The following ZNF385D variants were observed in gnomAD, a reference collection of about 807,000 sequenced individuals.
The protein encoded by ZNF385D is zinc finger protein 385D, also known as zinc finger protein 659.
ZNF385D carries 15 observed loss-of-function variants against 35.8 expected under a neutral mutation model. The ratio of observed to expected loss-of-function variants is 0.42; its 90% CI spans 0.28 to 0.64. ZNF385D has a LOEUF of 0.64. Ranked by LOEUF, ZNF385D falls within the 30% of genes least tolerant of loss-of-function variation. The probability of loss-of-function intolerance (pLI) is 0.23; values close to 1 mark genes in which losing one functional copy is unlikely to be tolerated. For missense variants in ZNF385D, 474 were observed against 494.6 expected (o/e 0.96, Z 0.39); for synonymous variants, 212 against 186.8 (o/e 1.13, Z -1.10).
At chr3:21,440,048 T>C (rs1482305760) in intron 4 of ZNF385D, among the ~76,000 whole-genome samples, 1 of 152,086 alleles carries the variant, frequency 6.6e-6, no homozygotes, top group Non-Finnish European at 1.5e-5. Context: ...AATTTTTAAG[T>C]AGTAATGGAT....
At chr3:22,014,159 A>C (rs1435730296) in intron 3 of ZNF385D, among the ~76,000 whole-genome samples, 1 of 152,182 alleles carries the variant, frequency 6.6e-6, no homozygotes, top group South Asian at 2.1e-4. Flanking sequence ...TTACAACAAA[A>C]AACCAAAAAG....
chr3:21,860,676 A>G (rs1696999699), intron 3 of ZNF385D, among the ~76,000 whole-genome samples: 1 of 152,128 alleles, frequency 6.6e-6, no homozygotes. Context: ...ATAGTTTTCA[A>G]AGTCAGGCCT....
intron 6 of ZNF385D, among the ~76,000 whole-genome samples, chr3:21,424,317 A>ATATATATTTATATATATATATATAT (rs1221923155): frequency 1.6e-5 from 1 of 63,812 alleles, no homozygotes; most frequent in Non-Finnish European, 2.7e-5. Flanking sequence ...ATATATATAT[A>ATATATATTTATATATATATATATAT]TTTTTTTTTT....
chr3:21,930,527 A>G (rs1464008270), intron 3 of ZNF385D, among the ~76,000 whole-genome samples: 1 of 152,130 alleles, frequency 6.6e-6, no homozygotes, highest in Non-Finnish European at 1.5e-5. Flanking sequence ...GACTCAGAAA[A>G]TCTAAAATAA....
At chr3:21,781,206 T>C (rs1465068648) in intron 3 of ZNF385D, among the ~76,000 whole-genome samples, 1 of 151,620 alleles carries the variant, frequency 6.6e-6, no homozygotes, top group East Asian at 1.9e-4. Context: ...TATCTCTTTA[T>C]TTCAAAGCGA....
intron 2 of ZNF385D, among the ~76,000 whole-genome samples, chr3:21,608,461 G>A (rs758995305): frequency 3.3e-5 from 5 of 152,118 alleles, no homozygotes; most frequent in Non-Finnish European, 7.3e-5. Flanking sequence ...TCTGTATTTA[G>A]ATTACCTGTG....
At chr3:21,474,742 T>C (rs753615590) in intron 4 of ZNF385D, among the ~76,000 whole-genome samples, 9 of 152,126 alleles carry the variant, frequency 5.9e-5, no homozygotes, top group Non-Finnish European at 1.2e-4. Context: ...CTCTCACAAG[T>C]CTTGCTGTCC....
chr3:21,704,153 T>A (rs1036791921), intron 1 of ZNF385D, among the ~76,000 whole-genome samples: 11 of 152,208 alleles, frequency 7.2e-5, no homozygotes, highest in Admixed American at 3.3e-4. Context: ...TTTGCTCCCA[T>A]GTAAGCTCCC....
At chr3:21,463,805 A>G (rs902410887) in intron 4 of ZNF385D, among the ~76,000 whole-genome samples, 2 of 152,180 alleles carry the variant, frequency 1.3e-5, no homozygotes, top group Non-Finnish European at 2.9e-5. Context: ...TTATGGATAG[A>G]GCTGAATGTT....
At chr3:21,830,278 C>T (rs1694904700) in intron 3 of ZNF385D, among the ~76,000 whole-genome samples, 1 of 152,130 alleles carries the variant, frequency 6.6e-6, no homozygotes, top group African/African-American at 2.4e-5. Context: ...GGATTGTATC[C>T]TAGTTTACTT....
chr3:21,841,216 T>G (rs1012296865), intron 3 of ZNF385D, among the ~76,000 whole-genome samples: 1 of 152,076 alleles, frequency 6.6e-6, no homozygotes, highest in African/African-American at 2.4e-5. Context: ...ATAACAGACG[T>G]AACTCATTCT....
At chr3:22,156,100 T>C (rs1490641789) in intron 3 of ZNF385D, among the ~76,000 whole-genome samples, 3 of 151,144 alleles carry the variant, frequency 2.0e-5, no homozygotes, top group Non-Finnish European at 4.4e-5. Flanking sequence ...GGAGACATAA[T>C]AGAATACTTG....
intron 2 of ZNF385D, among the ~76,000 whole-genome samples, chr3:22,343,561 C>T (rs951422280): frequency 2.5e-4 from 37 of 148,850 alleles, no homozygotes; most frequent in African/African-American, 7.8e-4. Context: ...GAGAATCCTA[C>T]TGACTGTACC....
intron 1 of ZNF385D, among the ~76,000 whole-genome samples, chr3:21,724,612 C>A (rs1486212179): frequency 6.7e-6 from 1 of 148,718 alleles, no homozygotes; most frequent in Non-Finnish European, 1.5e-5. Flanking sequence ...GTAAAGGGAT[C>A]AATGCAACAA....
At chr3:21,614,102 A>G (rs1433738412) in intron 2 of ZNF385D, among the ~76,000 whole-genome samples, 1 of 152,220 alleles carries the variant, frequency 6.6e-6, no homozygotes, top group African/African-American at 2.4e-5. Flanking sequence ...TAGGGCTGCC[A>G]TAACAAAATA....
intron 1 of ZNF385D, among the ~76,000 whole-genome samples, chr3:21,731,002 G>A (rs2068970377): frequency 6.6e-6 from 1 of 152,090 alleles, no homozygotes; most frequent in African/African-American, 2.4e-5. Flanking sequence ...TTAATGATAT[G>A]TCTAAGTAAA....
intron 3 of ZNF385D, among the ~76,000 whole-genome samples, chr3:22,091,608 G>A (rs538210656): frequency 6.6e-6 from 1 of 151,780 alleles, no homozygotes; most frequent in Non-Finnish European, 1.5e-5. Context: ...AAGCCCTCTA[G>A]GTATGTAGCT....
chr3:21,728,351 G>A (rs568815098), intron 1 of ZNF385D, among the ~76,000 whole-genome samples: 23 of 151,658 alleles, frequency 1.5e-4, no homozygotes, highest in Middle Eastern at 3.4e-3. Flanking sequence ...CAAATATGGT[G>A]GCATTTTATC....
intron 3 of ZNF385D, among the ~76,000 whole-genome samples, chr3:22,163,931 A>C (rs368026226): frequency 6.6e-6 from 1 of 152,138 alleles, no homozygotes; most frequent in East Asian, 1.9e-4. Context: ...TACAGGATCT[A>C]TTATTTGTAC....
Sources: gnomAD v4.1 joint callset for allele counts (sites outside exome capture counted in the v4.1 genomes callset) on GRCh38, gnomAD v4.1.1 for gene constraint, MANE v1.5 for transcripts, NCBI Gene and HGNC (gene_info 2026-07-23, HGNC 2026-07-21) for gene names.